Variants in ASIC2 observed in about 807,000 individuals in gnomAD.
The protein encoded by ASIC2 is acid sensing ion channel subunit 2.
In ASIC2, 25 loss-of-function variants were observed where a neutral mutation model predicts 57.3. The ratio of observed to expected loss-of-function variants is 0.44; its 90% CI spans 0.32 to 0.61. ASIC2 has a LOEUF of 0.61. Among genes scored for constraint, ASIC2 ranks in the 20% least tolerant of loss-of-function variants. The probability of loss-of-function intolerance (pLI) is 0.06; values close to 1 mark genes in which losing one functional copy is unlikely to be tolerated. For missense variants in ASIC2, 641 were observed against 738.1 expected (o/e 0.87, Z 1.52); for synonymous variants, 319 against 307.5 (o/e 1.04, Z -0.39).
rs115018058 is a variant in ASIC2 at position 33,129,043 on chromosome 17, A to G, written c.709-16976T>C. ...TAGAAATTTGTTGAATGATTGAATT[A>G]AAAAAGAATGCATGAAAGAGATAAT... On this transcript the variant is annotated intron_variant, in intron 1 of 9. Transcript: ENST00000225823. 8.9e-4 allele frequency among the ~76,000 whole-genome samples: 135 copies of G among 152,362 alleles called. 1 individual carries two copies. Among genetic ancestry groups the G allele is most frequent in the African/African-American group, 2.9e-3 (122 of 41,590 alleles).
At chr17:33,264,479 A>G (rs1909391443) in intron 1 of ASIC2, among the ~76,000 whole-genome samples, 1 of 152,252 alleles carries the variant, frequency 6.6e-6, no homozygotes, top group Admixed American at 6.5e-5. Context: ...GCTAGTAAAC[A>G]GTGGCACAGG....
At chr17:33,074,233 C>T (rs1256491601) in intron 3 of ASIC2, among the ~76,000 whole-genome samples, 1 of 152,162 alleles carries the variant, frequency 6.6e-6, no homozygotes, top group African/African-American at 2.4e-5. Flanking sequence ...TTTGTTTCCT[C>T]CCTGGCATTT....
chr17:33,215,466 T>G (rs1163103827), intron 1 of ASIC2, among the ~76,000 whole-genome samples: 1 of 152,188 alleles, frequency 6.6e-6, no homozygotes, highest in Non-Finnish European at 1.5e-5. Flanking sequence ...ATGTAGTCAT[T>G]GAATTATGGG....
At chr17:33,644,280 T>A (rs1906674894) in intron 1 of ASIC2, among the ~76,000 whole-genome samples, 1 of 152,236 alleles carries the variant, frequency 6.6e-6, no homozygotes, top group South Asian at 2.1e-4. Context: ...CTTTGTGTCC[T>A]CCCTCATTGA....
intron 1 of ASIC2, among the ~76,000 whole-genome samples, chr17:33,416,975 G>A (rs1172038845): frequency 5.9e-5 from 9 of 152,072 alleles, no homozygotes; most frequent in Non-Finnish European, 1.3e-4. Flanking sequence ...ATGAGCATGA[G>A]GCTTAATGGC....
At chr17:33,981,971 C>T (rs549876951) in intron 1 of ASIC2, among the ~76,000 whole-genome samples, 2 of 152,280 alleles carry the variant, frequency 1.3e-5, no homozygotes, top group East Asian at 3.9e-4. Context: ...TTGGCACCAA[C>T]CGGAAGGTTG....
intron 1 of ASIC2, among the ~76,000 whole-genome samples, chr17:33,165,163 C>G (rs1432053371): frequency 6.6e-6 from 1 of 152,240 alleles, no homozygotes; most frequent in Non-Finnish European, 1.5e-5. Flanking sequence ...TGGGCACCCC[C>G]TGTGCCAGGA....
intron 1 of ASIC2, among the ~76,000 whole-genome samples, chr17:33,308,191 A>G (rs1445015615): frequency 1.3e-5 from 2 of 152,232 alleles, no homozygotes; most frequent in Non-Finnish European, 2.9e-5. Flanking sequence ...AGAGTGATTC[A>G]ATGGCCTTCA....
intron 1 of ASIC2, among the ~76,000 whole-genome samples, chr17:34,088,900 T>G (rs1019375688): frequency 6.6e-6 from 1 of 152,186 alleles, no homozygotes; most frequent in Non-Finnish European, 1.5e-5. Flanking sequence ...AAGCGCGGTA[T>G]TTGGGTGGGA....
At chr17:33,521,146 G>A (rs1233093369) in intron 1 of ASIC2, among the ~76,000 whole-genome samples, 1 of 152,148 alleles carries the variant, frequency 6.6e-6, no homozygotes, top group African/African-American at 2.4e-5. Context: ...CGGGACTTGG[G>A]ACTCAGGCTG....
intron 1 of ASIC2, among the ~76,000 whole-genome samples, chr17:33,722,312 A>G (rs908899801): frequency 6.6e-6 from 1 of 152,224 alleles, no homozygotes; most frequent in Non-Finnish European, 1.5e-5. Flanking sequence ...CTCCCCAGCC[A>G]TATGGAACTG....
intron 1 of ASIC2, among the ~76,000 whole-genome samples, chr17:33,477,283 T>C (rs773441694): frequency 1.6e-4 from 25 of 152,094 alleles, no homozygotes; most frequent in Non-Finnish European, 3.1e-4. Flanking sequence ...CATCTAAAAA[T>C]CCCTATTAGA....
chr17:33,145,174 C>T (rs1356454139), intron 1 of ASIC2, among the ~76,000 whole-genome samples: 1 of 152,224 alleles, frequency 6.6e-6, no homozygotes, highest in Non-Finnish European at 1.5e-5. Flanking sequence ...TTCTGGTTCC[C>T]TCTTCCCAGG....
chr17:33,496,774 T>A (rs12449597), intron 1 of ASIC2, among the ~76,000 whole-genome samples: 1 of 151,730 alleles, frequency 6.6e-6, no homozygotes, highest in African/African-American at 2.4e-5. Flanking sequence ...TGCACCACCA[T>A]GCCCAGCTAA....
chr17:33,460,405 G>A (rs1912596755), intron 1 of ASIC2, among the ~76,000 whole-genome samples: 1 of 152,150 alleles, frequency 6.6e-6, no homozygotes, highest in Non-Finnish European at 1.5e-5. Context: ...TTTGTATCCT[G>A]AGGATGAGGG....
intron 1 of ASIC2, among the ~76,000 whole-genome samples, chr17:33,809,661 G>A (rs1912364173): frequency 6.6e-6 from 1 of 152,172 alleles, no homozygotes; most frequent in Non-Finnish European, 1.5e-5. Context: ...ATCCCTCAGA[G>A]GTCTATGTTG....
intron 1 of ASIC2, among the ~76,000 whole-genome samples, chr17:34,076,071 C>T (rs199910088): frequency 2.4e-4 from 36 of 151,844 alleles, no homozygotes; most frequent in African/African-American, 7.7e-4. Flanking sequence ...GGCATGATCT[C>T]GGCTCACTGC....
At chr17:34,024,245 T>G (rs987721986) in intron 1 of ASIC2, among the ~76,000 whole-genome samples, 2 of 152,192 alleles carry the variant, frequency 1.3e-5, no homozygotes, top group Non-Finnish European at 2.9e-5. Flanking sequence ...AAGACTCCCC[T>G]TACAGAAACA....
chr17:33,186,463 A>G (rs1471963866), intron 1 of ASIC2, among the ~76,000 whole-genome samples: 1 of 152,112 alleles, frequency 6.6e-6, no homozygotes, highest in East Asian at 1.9e-4. Flanking sequence ...CTAATGACTT[A>G]TTACTTGCTG....
Sources: gnomAD v4.1 joint callset for allele counts (sites outside exome capture counted in the v4.1 genomes callset) on GRCh38, gnomAD v4.1.1 for gene constraint, MANE v1.5 for transcripts, NCBI Gene and HGNC (gene_info 2026-07-23, HGNC 2026-07-21) for gene names.